Variants in ANKRD44 observed in about 807,000 individuals in gnomAD.
ANKRD44 encodes serine/threonine-protein phosphatase 6 regulatory ankyrin repeat subunit B.
In ANKRD44, 35 loss-of-function variants were observed where a neutral mutation model predicts 116.0. The observed-to-expected ratio is 0.30, with a 90% CI of 0.23 to 0.40. The LOEUF (loss-of-function observed/expected upper bound fraction) is 0.40. Among genes scored for constraint, ANKRD44 ranks in the 10% least tolerant of loss-of-function variants. The pLI, the probability that ANKRD44 is intolerant of heterozygous loss-of-function variation, is 1.00. For missense variants in ANKRD44, 1,014 were observed against 1,242.6 expected (o/e 0.82, Z 2.77); for synonymous variants, 435 against 461.8 (o/e 0.94, Z 0.74).
intron 16 of ANKRD44, among the ~76,000 whole-genome samples, chr2:197,047,014 A>T (rs1255447429): frequency 7.9e-6 from 1 of 126,502 alleles, no homozygotes; most frequent in South Asian, 2.9e-4. Flanking sequence ...TAAATAAGGT[A>T]ACAGAATTAC....
At chr2:197,297,093 A>T (rs1240452643) in intron 1 of ANKRD44, among the ~76,000 whole-genome samples, 1 of 152,254 alleles carries the variant, frequency 6.6e-6, no homozygotes, top group Non-Finnish European at 1.5e-5. Context: ...TTAAATAAAA[A>T]ATGACTGCAA....
At chr2:197,164,023 G>A (rs1347558917) in intron 2 of ANKRD44, among the ~76,000 whole-genome samples, 1 of 152,164 alleles carries the variant, frequency 6.6e-6, no homozygotes, top group Non-Finnish European at 1.5e-5. Flanking sequence ...AAGGAAGCCG[G>A]GTCACGTGGA....
In ANKRD44 at chr2:197,199,894, CT is replaced by C. The variant is rs567909033; in HGVS notation, c.28-12789del. ...TGCCATAACATATTCAATTATTCCC[CT>C]TCGAATGGGCATTTGGGTTGTTTCT... On this transcript the variant is annotated intron_variant, in intron 1 of 27. Transcript: ENST00000282272. Among the ~76,000 whole-genome samples the C allele has an allele frequency of 3.9e-5, 6 of 152,268 alleles. No individual in the cohort carries two copies. In the East Asian group the frequency reaches 1.2e-3, roughly 29 times the overall value.
chr2:197,259,390 A>C (rs1473154866), intron 1 of ANKRD44, among the ~76,000 whole-genome samples: 1 of 152,180 alleles, frequency 6.6e-6, no homozygotes, highest in Non-Finnish European at 1.5e-5. Context: ...CCTAAGAAAC[A>C]AAAACAAAGT....
intron 2 of ANKRD44, among the ~76,000 whole-genome samples, chr2:197,171,955 C>A (rs1166951339): frequency 1.3e-5 from 2 of 149,836 alleles, no homozygotes; most frequent in East Asian, 2.0e-4. Flanking sequence ...TTGCCTAAGT[C>A]AAAAATTACT....
chr2:197,009,150 G>A, intron 18 of ANKRD44, 119 bp from the exon 19 acceptor site: 1 of 716,534 alleles, frequency 1.4e-6, no homozygotes, highest in South Asian at 1.6e-5. Context: ...GGAGTGCAGT[G>A]GGGCGATGTC....
chr2:196,978,850 T>G (rs1457315741), intron 21 of ANKRD44, among the ~76,000 whole-genome samples: 2 of 151,082 alleles, frequency 1.3e-5, no homozygotes. Context: ...CAACTCTCTG[T>G]TGTAACCAAT....
At chr2:197,300,758 C>CATTTTTT (rs1252748314) in intron 1 of ANKRD44, among the ~76,000 whole-genome samples, 7 of 122,742 alleles carry the variant, frequency 5.7e-5, no homozygotes, top group Non-Finnish European at 1.2e-4. Context: ...TTTCATTTTC[C>CATTTTTT]TTTTTTTTTT....
chr2:197,297,266 T>C (rs992682803), intron 1 of ANKRD44, among the ~76,000 whole-genome samples: 3 of 152,306 alleles, frequency 2.0e-5, no homozygotes, highest in Admixed American at 1.3e-4. Context: ...CATACCGAAG[T>C]ATGGAAATTC....
intron 27 of ANKRD44, chr2:196,989,917 T>C: frequency 1.8e-6 from 2 of 1,121,112 alleles, no homozygotes; most frequent in Non-Finnish European, 2.2e-6. Flanking sequence ...TTTCATACTA[T>C]TTTTGCATAT....
At chr2:197,293,013 C>T (rs2083615014) in intron 1 of ANKRD44, among the ~76,000 whole-genome samples, 1 of 152,136 alleles carries the variant, frequency 6.6e-6, no homozygotes, top group Non-Finnish European at 1.5e-5. Flanking sequence ...CTTGACTATA[C>T]ATATTTATCA....
intron 16 of ANKRD44, among the ~76,000 whole-genome samples, chr2:197,033,778 C>T (rs1228424300): frequency 6.6e-6 from 1 of 151,480 alleles, no homozygotes; most frequent in East Asian, 1.9e-4. Context: ...CTTAGTTATG[C>T]AGCAATCACT....
intron 8 of ANKRD44, among the ~76,000 whole-genome samples, chr2:197,111,942 A>G (rs1043247617): frequency 2.6e-5 from 4 of 152,290 alleles, no homozygotes; most frequent in Non-Finnish European, 5.9e-5. Context: ...ATTTGTTACT[A>G]TTCATGATCG....
intron 20 of ANKRD44, among the ~76,000 whole-genome samples, chr2:197,007,253 G>C (rs1053318148): frequency 1.3e-5 from 2 of 152,044 alleles, no homozygotes; most frequent in Admixed American, 1.3e-4. Flanking sequence ...TGAACACAAT[G>C]AGGCATTAAA....
At chr2:197,235,428 C>G (rs574589270) in intron 1 of ANKRD44, among the ~76,000 whole-genome samples, 1 of 151,984 alleles carries the variant, frequency 6.6e-6, no homozygotes, top group South Asian at 2.1e-4. Flanking sequence ...CCAGCCTGGC[C>G]AACATGGCAA....
intron 2 of ANKRD44, among the ~76,000 whole-genome samples, chr2:197,149,729 C>T (rs553599858): frequency 6.6e-6 from 1 of 152,278 alleles, no homozygotes; most frequent in South Asian, 2.1e-4. Flanking sequence ...GTCTTCTCTT[C>T]TAACAAGGAA....
chr2:197,083,630 G>C, intron 13 of ANKRD44, 121 bp from the exon 14 acceptor site: 1 of 1,053,498 alleles, frequency 9.5e-7, no homozygotes, highest in Non-Finnish European at 1.3e-6. Flanking sequence ...AGAGTGTGTG[G>C]AGGCCAAAGT....
At chr2:197,243,984 C>G (rs770315567) in intron 1 of ANKRD44, among the ~76,000 whole-genome samples, 1 of 152,192 alleles carries the variant, frequency 6.6e-6, no homozygotes, top group Non-Finnish European at 1.5e-5. Flanking sequence ...TATGAATAGA[C>G]ATTGAACTAT....
chr2:197,187,336 C>A (rs533409868), intron 1 of ANKRD44, among the ~76,000 whole-genome samples: 9 of 152,264 alleles, frequency 5.9e-5, no homozygotes, highest in African/African-American at 2.2e-4. Flanking sequence ...AGTCTCTAAC[C>A]TGAACTATGA....
Sources: allele counts gnomAD v4.1 joint callset (sites outside exome capture counted in the v4.1 genomes callset), GRCh38; gene constraint gnomAD v4.1.1; transcripts MANE v1.5; gene names NCBI Gene and HGNC (gene_info 2026-07-23, HGNC 2026-07-21).